ROBO2: variants seen among roughly 807,000 people sequenced by gnomAD.
The protein encoded by ROBO2 is roundabout guidance receptor 2.
A neutral mutation model predicts 160.8 loss-of-function variants in ROBO2; 53 were observed. That is an observed-to-expected ratio of 0.33 (90% CI 0.26 to 0.41). The LOEUF (loss-of-function observed/expected upper bound fraction) is 0.41. Ranked by LOEUF, ROBO2 falls within the 10% of genes least tolerant of loss-of-function variation. The pLI, the probability that ROBO2 is intolerant of heterozygous loss-of-function variation, is 1.00. For missense variants in ROBO2, 1,577 were observed against 1,722.4 expected, an observed-to-expected ratio of 0.92 and a Z score of 1.49; for synonymous variants, 664 against 611.7, an observed-to-expected ratio of 1.09 and a Z score of -1.26.
At chr3:77,102,946 G>A (rs1304005268) in intron 2 of ROBO2, among the ~76,000 whole-genome samples, 1 of 151,536 alleles carries the variant, frequency 6.6e-6, no homozygotes, top group Non-Finnish European at 1.5e-5. Context: ...TAAATAGTTA[G>A]AAAACAGTTG....
chr3:77,378,300 C>G (rs2072964057), intron 2 of ROBO2, among the ~76,000 whole-genome samples: 1 of 152,094 alleles, frequency 6.6e-6, no homozygotes, highest in Non-Finnish European at 1.5e-5. Flanking sequence ...TTTAAGAGCC[C>G]TACCTGTATT....
intron 1 of ROBO2, among the ~76,000 whole-genome samples, chr3:77,073,946 A>C (rs1006493708): frequency 6.6e-6 from 1 of 152,210 alleles, no homozygotes; most frequent in African/African-American, 2.4e-5. Context: ...AAGTTTGTTA[A>C]CTAGATTACA....
rs532548965 is a variant in ROBO2, at chr3:76,936,284, A to C, written c.110-161730A>C. 3.3e-5 allele frequency among the ~76,000 whole-genome samples: 5 copies of C among 152,316 alleles called. No homozygotes were observed. The East Asian group carries it at 7.7e-4, about 23-fold the overall frequency. ...TAGATAGATATGTAGTAGCTTTCCAATAATGTGAAGATCTATATCAAAAAA... is the reference window on the plus strand; with the variant it reads ...TAGATAGATATGTAGTAGCTTTCCACTAATGTGAAGATCTATATCAAAAAA... On this transcript the variant is annotated intron_variant, in intron 2 of 26. Transcript: ENST00000487694.
At chr3:76,846,921 T>C (rs2068827549) in intron 2 of ROBO2, among the ~76,000 whole-genome samples, 1 of 152,124 alleles carries the variant, frequency 6.6e-6, no homozygotes, top group Non-Finnish European at 1.5e-5. Context: ...TTCCTGGAAC[T>C]TAATTAGATA....
At chr3:77,126,950 G>C (rs966692445) in intron 2 of ROBO2, among the ~76,000 whole-genome samples, 32 of 151,382 alleles carry the variant, frequency 2.1e-4, no homozygotes, top group African/African-American at 7.5e-4. Context: ...CACCACGCCC[G>C]GCTAATTTTT....
rs541772624 is a variant in ROBO2, at chr3:77,092,399, C to T, written c.62-5615C>T. Among the ~76,000 whole-genome samples, 151 of 151,898 alleles carry T rather than the reference C, an allele frequency of 9.9e-4. 1 individual carries two copies. Among genetic ancestry groups the T allele is most frequent in the African/African-American group, 3.4e-3 (140 of 41,468 alleles). ...TTAAAGGTCATGAGTTCTAATTCTGCTTCTCCTATCTATTCAATTATGGAC... is the reference window on the plus strand; with the variant it reads ...TTAAAGGTCATGAGTTCTAATTCTGTTTCTCCTATCTATTCAATTATGGAC... On this transcript the variant is annotated intron_variant, in intron 1 of 25. Transcript: ENST00000461745.
chr3:76,155,295 A>G (rs908628065), intron 2 of ROBO2, among the ~76,000 whole-genome samples: 3 of 152,176 alleles, frequency 2.0e-5, no homozygotes, highest in African/African-American at 7.2e-5. Context: ...TATTCTCAGA[A>G]AAGAGACTGA....
At chr3:76,676,035 T>C (rs2092398975) in intron 2 of ROBO2, among the ~76,000 whole-genome samples, 1 of 152,162 alleles carries the variant, frequency 6.6e-6, no homozygotes, top group Non-Finnish European at 1.5e-5. Flanking sequence ...ACATATGCTA[T>C]ATTGTTAAGT....
At chr3:77,395,946 A>C (rs2153505711) in intron 2 of ROBO2, among the ~76,000 whole-genome samples, 1 of 151,876 alleles carries the variant, frequency 6.6e-6, no homozygotes, top group African/African-American at 2.4e-5. Flanking sequence ...TTAATTGTGG[A>C]AGCATTCTGA....
At chr3:77,589,718 T>TGA (rs1471303379) in intron 17 of ROBO2, among the ~76,000 whole-genome samples, 4 of 152,086 alleles carry the variant, frequency 2.6e-5, no homozygotes. Context: ...AGTCAGTGAT[T>TGA]GAGAGAATGA....
At chr3:76,997,469 C>A (rs2061084920) in intron 2 of ROBO2, among the ~76,000 whole-genome samples, 1 of 152,186 alleles carries the variant, frequency 6.6e-6, no homozygotes, top group African/African-American at 2.4e-5. Context: ...TAATTGACAG[C>A]ATGATCCTTC....
chr3:77,461,850 C>A (rs1183461867), intron 2 of ROBO2, among the ~76,000 whole-genome samples: 2 of 151,914 alleles, frequency 1.3e-5, no homozygotes, highest in African/African-American at 2.4e-5. Context: ...GCCGCAGCCT[C>A]CCATATCTGG....
chr3:77,130,742 A>G (rs1316657565), intron 2 of ROBO2, among the ~76,000 whole-genome samples: 1 of 152,164 alleles, frequency 6.6e-6, no homozygotes, highest in African/African-American at 2.4e-5. Context: ...GTAACACATT[A>G]TCCTCTTTCC....
intron 2 of ROBO2, among the ~76,000 whole-genome samples, chr3:76,875,482 T>A (rs1204820985): frequency 6.6e-6 from 1 of 152,158 alleles, no homozygotes; most frequent in Non-Finnish European, 1.5e-5. Flanking sequence ...AAGTGCCAAA[T>A]GGGCTTTATG....
At chr3:77,340,295 C>A (rs940966774) in intron 2 of ROBO2, among the ~76,000 whole-genome samples, 10 of 152,002 alleles carry the variant, frequency 6.6e-5, no homozygotes. Context: ...GTAATATGAA[C>A]GTGAAAAGTC....
chr3:76,029,032 T>A (rs1033635057), intron 2 of ROBO2, among the ~76,000 whole-genome samples: 16 of 151,980 alleles, frequency 1.1e-4, no homozygotes, highest in Non-Finnish European at 4.4e-5. Flanking sequence ...GTCATCCAAC[T>A]TGTGTATACA....
chr3:77,453,766 C>A (rs2153564552), intron 2 of ROBO2, among the ~76,000 whole-genome samples: 1 of 152,154 alleles, frequency 6.6e-6, no homozygotes, highest in South Asian at 2.1e-4. Flanking sequence ...CTGTTATTTT[C>A]CAGGTTATGT....
chr3:77,449,914 T>C (rs2080951010), intron 2 of ROBO2, among the ~76,000 whole-genome samples: 1 of 152,104 alleles, frequency 6.6e-6, no homozygotes, highest in Admixed American at 6.6e-5. Flanking sequence ...GGGCTTTTTA[T>C]TTTTAACTGA....
chr3:77,603,256 C>T (rs2094466145), intron 20 of ROBO2, among the ~76,000 whole-genome samples: 1 of 152,164 alleles, frequency 6.6e-6, no homozygotes, highest in South Asian at 2.1e-4. Flanking sequence ...CTTTTATATA[C>T]TAACTCTATG....
Sources: allele counts gnomAD v4.1 joint callset (sites outside exome capture counted in the v4.1 genomes callset), GRCh38; gene constraint gnomAD v4.1.1; transcripts MANE v1.5; gene names NCBI Gene and HGNC (gene_info 2026-07-23, HGNC 2026-07-21).